The following BEND7 variants were observed in gnomAD, a reference collection of about 807,000 sequenced individuals.
BEND7 encodes the protein BEN domain containing 7.
A neutral mutation model predicts 50.9 loss-of-function variants in BEND7; 28 were observed. That is an observed-to-expected ratio of 0.55 (90% CI 0.41 to 0.75). BEND7 has a LOEUF of 0.75. BEND7 is among the 30% of genes least tolerant of loss of function. The pLI, the probability that BEND7 is intolerant of heterozygous loss-of-function variation, is 0.00. For synonymous variants in BEND7, 170 were observed against 183.9 expected, an observed-to-expected ratio of 0.92 and a Z score of 0.61; for missense variants, 477 against 491.3, an observed-to-expected ratio of 0.97 and a Z score of 0.28.
intron 4 of BEND7, among the ~76,000 whole-genome samples, chr10:13,495,613 G>A (rs1402986631): frequency 6.6e-6 from 1 of 152,228 alleles, no homozygotes; most frequent in East Asian, 1.9e-4. Flanking sequence ...GGTGAGCCGA[G>A]ATCATGCCAT....
At chr10:13,517,473 A>T (rs1444834506) in intron 2 of BEND7, among the ~76,000 whole-genome samples, 1 of 152,072 alleles carries the variant, frequency 6.6e-6, no homozygotes, top group Non-Finnish European at 1.5e-5. Context: ...TTAGATGATA[A>T]AGAATTTCAA....
At chr10:13,514,051 T>C (rs2078475309) in intron 2 of BEND7, among the ~76,000 whole-genome samples, 1 of 150,256 alleles carries the variant, frequency 6.7e-6, no homozygotes, top group African/African-American at 2.5e-5. Flanking sequence ...CCCTTCTGTG[T>C]CCTCAGCCCC....
In BEND7 at chr10:13,499,922, AGGAGTTCAAACGT is replaced by A; in HGVS notation, c.291_303del (p.Arg98LeufsTer54). 6.2e-7 allele frequency: 1 copy of A among 1,614,184 alleles called. No homozygotes were observed. Among genetic ancestry groups the A allele is most frequent in the Non-Finnish European group, 8.5e-7 (1 of 1,180,038 alleles). Reference sequence around the variant, plus strand: ...TGGAGGCTTTGCGGGGCCTCAGCAGAGGAGTTCAAACGTGGAGGCCAGACTAAATCCAGGTCCT... The same window carrying A: ...TGGAGGCTTTGCGGGGCCTCAGCAGAGGAGGCCAGACTAAATCCAGGTCCT... On this transcript the variant is annotated frameshift_variant, in exon 3 of 9. Coordinates refer to ENST00000466271, the MANE Select transcript of BEND7 (RefSeq NM_001369863.1). LOFTEE classifies it high-confidence loss of function.
At chr10:13,460,013 C>G (rs1839890202) in intron 6 of BEND7, 1 of 152,222 alleles carries the variant, frequency 6.6e-6, no homozygotes, top group Non-Finnish European at 1.5e-5. Flanking sequence ...GGGAGCCAAG[C>G]CGCAGATGTG....
At chr10:13,455,120 C>T (rs537535386) in intron 6 of BEND7, among the ~76,000 whole-genome samples, 4 of 151,676 alleles carry the variant, frequency 2.6e-5, no homozygotes, top group African/African-American at 9.7e-5. Context: ...TGCAGTGAGC[C>T]GAGAACGCAC....
At chr10:13,483,152 G>C (rs1355117163) in intron 5 of BEND7, among the ~76,000 whole-genome samples, 1 of 152,044 alleles carries the variant, frequency 6.6e-6, no homozygotes, top group Non-Finnish European at 1.5e-5. Flanking sequence ...GAGAGGAAGG[G>C]GAAGGACACT....
At chr10:13,501,131 T>G (rs1402495784) in intron 2 of BEND7, among the ~76,000 whole-genome samples, 1 of 152,122 alleles carries the variant, frequency 6.6e-6, no homozygotes, top group Non-Finnish European at 1.5e-5. Context: ...TCCCAGCACT[T>G]TGGGAGGCCG....
At chr10:13,462,244 G>C (rs1053127968) in intron 6 of BEND7, among the ~76,000 whole-genome samples, 2 of 151,626 alleles carry the variant, frequency 1.3e-5, no homozygotes, top group African/African-American at 2.4e-5. Context: ...AAAGGAAAGA[G>C]GTTTAATGGA....
At chr10:13,498,835 ACAC>A in intron 3 of BEND7, among the ~76,000 whole-genome samples, 1 of 152,318 alleles carries the variant, frequency 6.6e-6, no homozygotes, top group Non-Finnish European at 1.5e-5. Flanking sequence ...GGCAGAGAAG[ACAC>A]CCATACATTT....
At chr10:13,516,079 G>A (rs183216598) in intron 2 of BEND7, among the ~76,000 whole-genome samples, 19 of 152,272 alleles carry the variant, frequency 1.2e-4, no homozygotes, top group African/African-American at 3.6e-4. Flanking sequence ...GGTTTAACAC[G>A]GAACTCATTC....
intron 6 of BEND7, among the ~76,000 whole-genome samples, chr10:13,471,286 T>G (rs973890019): frequency 6.6e-6 from 1 of 152,258 alleles, no homozygotes; most frequent in African/African-American, 2.4e-5. Context: ...TGCCTGCTGA[T>G]GATTTCTAGG....
At chr10:13,494,071 A>G (rs2076858062) in intron 4 of BEND7, among the ~76,000 whole-genome samples, 1 of 152,206 alleles carries the variant, frequency 6.6e-6, no homozygotes, top group South Asian at 2.1e-4. Flanking sequence ...TAATTAGTCT[A>G]GCTCAATGGT....
intron 2 of BEND7, chr10:13,502,864 G>A (rs3814659): frequency 0.18 from 176,484 of 980,172 alleles, 16,145 homozygotes; most frequent in African/African-American, 0.24. Flanking sequence ...TACCCACCCC[G>A]GCTCTCAAGT....
chr10:13,460,622 G>T (rs1840016059), intron 6 of BEND7, among the ~76,000 whole-genome samples: 1 of 152,160 alleles, frequency 6.6e-6, no homozygotes, highest in African/African-American at 2.4e-5. Flanking sequence ...ACACTGAGTG[G>T]GCACCACTGG....
At chr10:13,461,021 G>A (rs537169778) in intron 6 of BEND7, among the ~76,000 whole-genome samples, 16 of 152,280 alleles carry the variant, frequency 1.1e-4, no homozygotes, top group Admixed American at 3.9e-4. Context: ...AATTACACAC[G>A]CCGAGCACCA....
chr10:13,452,522 C>G lies in BEND7; in HGVS notation c.1183+17G>C. On this transcript the variant is annotated intron_variant, in intron 7 of 8. Transcript: ENST00000466271. ...CATAAGTGCTTCTCCAATTATTTTT[C>G]TGCACCTTAGTCATACCTGAGCCTC... The G allele has an allele frequency of 6.3e-7, 1 of 1,586,278 alleles. No homozygotes were observed.
At chr10:13,449,293 A>C (rs1401322282) in intron 7 of BEND7, among the ~76,000 whole-genome samples, 2 of 152,196 alleles carry the variant, frequency 1.3e-5, no homozygotes, top group African/African-American at 2.4e-5. Flanking sequence ...CTCACTGCCT[A>C]GGATTTTAAA....
intron 3 of BEND7, among the ~76,000 whole-genome samples, chr10:13,497,756 A>C (rs2132134413): frequency 1.3e-5 from 2 of 152,290 alleles, no homozygotes; most frequent in South Asian, 4.1e-4. Flanking sequence ...CCACCATAAA[A>C]TGGAGCAGTT....
intron 5 of BEND7, among the ~76,000 whole-genome samples, chr10:13,490,666 TCCC>T (rs1202702639): frequency 6.6e-6 from 1 of 152,174 alleles, no homozygotes; most frequent in East Asian, 1.9e-4. Flanking sequence ...TTGCAATGGC[TCCC>T]TCCTGCCCAC....
Sources: gnomAD v4.1 joint callset for allele counts (sites outside exome capture counted in the v4.1 genomes callset) on GRCh38, gnomAD v4.1.1 for gene constraint, MANE v1.5 for transcripts, NCBI Gene and HGNC (gene_info 2026-07-23, HGNC 2026-07-21) for gene names.